Variants in DNAJC3 observed in about 807,000 individuals in gnomAD.
DNAJC3 encodes the protein dnaJ homolog subfamily C member 3.
In DNAJC3, 38 loss-of-function variants were observed where a neutral mutation model predicts 68.6. That is an observed-to-expected ratio of 0.55 (90% CI 0.43 to 0.73). DNAJC3 has a LOEUF of 0.73. Ranked by LOEUF, DNAJC3 falls within the 30% of genes least tolerant of loss-of-function variation. DNAJC3 has a pLI of 0.00. For synonymous variants in DNAJC3, 203 were observed against 204.0 expected, an observed-to-expected ratio of 1.00 and a Z score of 0.04; for missense variants, 526 against 591.9, an observed-to-expected ratio of 0.89 and a Z score of 1.16.
chr13:95,739,719 T>A (rs1245190196), intron 4 of DNAJC3, among the ~76,000 whole-genome samples: 1 of 151,856 alleles, frequency 6.6e-6, no homozygotes, highest in Non-Finnish European at 1.5e-5. Context: ...TCTTCTAAAT[T>A]TTTTTCAAAG....
Position 95,760,149 on chromosome 13 carries a change from A to C in DNAJC3, c.656A>C (p.Asn219Thr). The change falls in exon 6 of 12, where the codon AAT (asparagine) becomes ACT (threonine). Residue 219 changes from asparagine to threonine, a missense_variant. Transcript: ENST00000602402. ...TTAAAAGCTGCGTCAAAGTTGAAGAATGATAATACTGAAGCGTTTTATAAA... is the reference window on the plus strand; with the variant it reads ...TTAAAAGCTGCGTCAAAGTTGAAGACTGATAATACTGAAGCGTTTTATAAA... ...SDLKAASKLKNDNTEAFYKIS... is the reference protein window; with the variant it reads ...SDLKAASKLKTDNTEAFYKIS... The C allele has an allele frequency of 6.2e-7, 1 of 1,612,968 alleles. No homozygotes were observed. Among genetic ancestry groups the C allele is most frequent in the Non-Finnish European group, 8.5e-7 (1 of 1,179,346 alleles).
intron 9 of DNAJC3, 60 bp from the exon 10 acceptor site, chr13:95,785,879 A>G (rs1008816007): frequency 6.8e-7 from 1 of 1,471,866 alleles, no homozygotes; most frequent in Non-Finnish European, 9.1e-7. Flanking sequence ...TTTACAGGAT[A>G]AGAAAAGGCA....
At chr13:95,768,983 T>TTATCTA (rs67826872) in intron 9 of DNAJC3, among the ~76,000 whole-genome samples, 30,261 of 148,048 alleles carry the variant, frequency 0.2, 3,617 homozygotes, top group Non-Finnish European at 0.26. Flanking sequence ...CTCCAAAAAA[T>TTATCTA]TATCTATATC....
At chr13:95,686,438 A>G (rs1276711550) in intron 1 of DNAJC3, among the ~76,000 whole-genome samples, 2 of 152,058 alleles carry the variant, frequency 1.3e-5, no homozygotes, top group Non-Finnish European at 2.9e-5. Context: ...CTTTTTAGTT[A>G]AGTCCCATTT....
intron 9 of DNAJC3, among the ~76,000 whole-genome samples, chr13:95,773,920 A>G (rs1409980373): frequency 6.6e-6 from 1 of 151,776 alleles, no homozygotes; most frequent in Non-Finnish European, 1.5e-5. Context: ...GTATTTTAGT[A>G]GAGACGGGGT....
In DNAJC3 at chr13:95,763,880, G is replaced by A; in HGVS notation, c.1002G>A (p.Gln334=). 1 of 1,614,062 alleles carries A rather than the reference G, an allele frequency of 6.2e-7. No homozygotes were observed. Among genetic ancestry groups the A allele is most frequent in the African/African-American group, 1.3e-5 (1 of 75,054 alleles). The change falls in exon 9 of 12, where the codon CAG becomes CAA. Residue 334 remains glutamine (Q), a synonymous_variant. Transcript: ENST00000602402. ...EAIRVCSEVL[Q]MEPDNVNALK... ...TTAGGGTTTGTTCTGAAGTTTTACA[G>A]ATGGAACCTGACAATGTGAATGCCC... is the stretch of plus-strand genomic sequence containing the variant.
chr13:95,695,301 A>G (rs1049212802), intron 1 of DNAJC3: 1 of 152,190 alleles, frequency 6.6e-6, no homozygotes, highest in African/African-American at 2.4e-5. Flanking sequence ...CTCTAGTATT[A>G]TTTTGACCTG....
intron 4 of DNAJC3, among the ~76,000 whole-genome samples, chr13:95,752,155 T>C (rs1882499958): frequency 6.6e-6 from 1 of 152,200 alleles, no homozygotes; most frequent in African/African-American, 2.4e-5. Flanking sequence ...CCGTTTTCCT[T>C]GTGCAGGGTG....
intron 1 of DNAJC3, chr13:95,693,696 TCTAA>T (rs1880347952): frequency 6.6e-6 from 1 of 151,708 alleles, no homozygotes; most frequent in East Asian, 1.9e-4. Flanking sequence ...CTATTAGTCT[TCTAA>T]CTAATAATCT....
chr13:95,690,469 T>C (rs368933322), intron 1 of DNAJC3, among the ~76,000 whole-genome samples: 10,375 of 151,626 alleles, frequency 0.068, 362 homozygotes, highest in East Asian at 0.14. Flanking sequence ...ACCGCCATTG[T>C]CATCATGGCC....
chr13:95,764,733 T>A (rs569609632), intron 9 of DNAJC3, among the ~76,000 whole-genome samples: 1 of 139,284 alleles, frequency 7.2e-6, no homozygotes, highest in African/African-American at 2.7e-5. Flanking sequence ...TATATATATA[T>A]ACATATATAA....
At chr13:95,732,488 A>AT (rs372797491) in intron 4 of DNAJC3, among the ~76,000 whole-genome samples, 2 of 151,482 alleles carry the variant, frequency 1.3e-5, no homozygotes, top group Non-Finnish European at 1.5e-5. Flanking sequence ...TCTTTGGGGG[A>AT]TTTTTTTATA....
intron 2 of DNAJC3, among the ~76,000 whole-genome samples, chr13:95,710,827 C>T (rs565508322): frequency 2.6e-5 from 4 of 152,258 alleles, no homozygotes; most frequent in African/African-American, 2.4e-5. Context: ...GCTAGGACTA[C>T]AGCTGCATGC....
rs1035378248 is a variant in DNAJC3, at chr13:95,729,018, C to CT, written c.393+3776dup. Reference sequence around the variant, plus strand: ...CTACTCTCTAACTCTGTGAGAGTAACTTTTTTTTTTGCTCCCACATATATG... The same window carrying CT: ...CTACTCTCTAACTCTGTGAGAGTAACTTTTTTTTTTTGCTCCCACATATATG... On this transcript the variant is annotated intron_variant, in intron 4 of 11. Transcript: ENST00000602402. 1.1e-3 allele frequency among the ~76,000 whole-genome samples: 171 copies of CT among 149,456 alleles called. 2 individuals carry two copies. The highest frequency in any genetic ancestry group is 3.9e-3 in the African/African-American group (159 of 40,836).
chr13:95,744,949 C>T (rs952393109), intron 4 of DNAJC3: 1 of 152,148 alleles, frequency 6.6e-6, no homozygotes, highest in African/African-American at 2.4e-5. Flanking sequence ...TGTTTTCAGT[C>T]ATATAATATG....
At chr13:95,694,699 A>G (rs1041194698) in intron 1 of DNAJC3, 2 of 152,676 alleles carry the variant, frequency 1.3e-5, no homozygotes. Context: ...TTAATTCTCC[A>G]GACCATCACA....
chr13:95,718,403 A>G (rs958664879), intron 2 of DNAJC3, among the ~76,000 whole-genome samples: 2 of 152,202 alleles, frequency 1.3e-5, no homozygotes, highest in African/African-American at 4.8e-5. Context: ...AGGTGACCCC[A>G]TGCCTCTAAG....
chr13:95,682,702 C>G (rs546883267), intron 1 of DNAJC3, among the ~76,000 whole-genome samples: 1 of 152,104 alleles, frequency 6.6e-6, no homozygotes, highest in African/African-American at 2.4e-5. Context: ...TGTTTACAGA[C>G]CATGTGGCAA....
intron 1 of DNAJC3, among the ~76,000 whole-genome samples, chr13:95,699,717 G>A (rs1352277695): frequency 6.6e-6 from 1 of 152,132 alleles, no homozygotes. Flanking sequence ...TACTTCCTGG[G>A]GTTGTTTTGA....
Sources: gnomAD v4.1 joint callset for allele counts (sites outside exome capture counted in the v4.1 genomes callset) on GRCh38, gnomAD v4.1.1 for gene constraint, MANE v1.5 for transcripts, NCBI Gene and HGNC (gene_info 2026-07-23, HGNC 2026-07-21) for gene names.